HNMT: variants seen among roughly 807,000 people sequenced by gnomAD.
HNMT encodes the protein histamine N-methyltransferase.
Under a neutral mutation model 32.1 loss-of-function variants are expected in HNMT, and 30 were observed. The observed-to-expected ratio is 0.93, with a 90% confidence interval of 0.70 to 1.27. The LOEUF (loss-of-function observed/expected upper bound fraction) is 1.27. Among genes scored for constraint, HNMT ranks in the 50% most tolerant of loss-of-function variants. The pLI, the probability that HNMT is intolerant of heterozygous loss-of-function variation, is 0.00. For synonymous variants in HNMT, 125 were observed against 119.0 expected (o/e 1.05, Z -0.33); for missense variants, 327 against 346.0 (o/e 0.95, Z 0.43).
intron 2 of HNMT, among the ~76,000 whole-genome samples, chr2:137,994,366 A>AG (rs1452308602): frequency 6.6e-6 from 1 of 152,220 alleles, no homozygotes; most frequent in Non-Finnish European, 1.5e-5. Context: ...AAAAATAAGC[A>AG]GGGGTTGAAA....
intron 1 of HNMT, among the ~76,000 whole-genome samples, chr2:137,969,932 A>G (rs1489003414): frequency 6.6e-6 from 1 of 152,160 alleles, no homozygotes; most frequent in East Asian, 1.9e-4. Flanking sequence ...TACCTCTGAT[A>G]TGTACATACT....
chr2:138,005,798 T>C (rs1681314517), intron 5 of HNMT, among the ~76,000 whole-genome samples: 1 of 152,048 alleles, frequency 6.6e-6, no homozygotes, highest in Admixed American at 6.6e-5. Context: ...ATTTAGTAAG[T>C]ATCACACAGA....
At chr2:137,970,632 C>T (rs1008453424) in intron 2 of HNMT, among the ~76,000 whole-genome samples, 2 of 152,202 alleles carry the variant, frequency 1.3e-5, no homozygotes, top group East Asian at 3.9e-4. Flanking sequence ...CTGAAATGTG[C>T]ACAGGAGGCT....
At chr2:137,970,024 C>T in intron 1 of HNMT, 141 bp from the exon 2 acceptor site, 2 of 514,910 alleles carry the variant, frequency 3.9e-6, no homozygotes, top group East Asian at 6.2e-5. Context: ...GGCAATATAA[C>T]TGATATAATT....
intron 2 of HNMT, among the ~76,000 whole-genome samples, chr2:137,998,439 G>T (rs909898880): frequency 1.3e-5 from 2 of 152,096 alleles, no homozygotes; most frequent in African/African-American, 4.8e-5. Flanking sequence ...GTATAAAATG[G>T]AAATGTCCCT....
At chr2:138,000,882 G>T (rs1681148145) in intron 2 of HNMT, 36 bp from the exon 3 acceptor site, 3 of 1,132,646 alleles carry the variant, frequency 2.6e-6, no homozygotes, top group Non-Finnish European at 3.9e-6. Flanking sequence ...TTTCTTGCTG[G>T]AATGATGTGA....
intron 1 of HNMT, among the ~76,000 whole-genome samples, chr2:137,969,232 T>C (rs1267866654): frequency 6.6e-6 from 1 of 152,194 alleles, no homozygotes; most frequent in Non-Finnish European, 1.5e-5. Context: ...AATCCAGTGA[T>C]CTTTAGAAGT....
chr2:138,002,549 G>GC (rs1681205848), intron 4 of HNMT: 1 of 236,002 alleles, frequency 4.2e-6, no homozygotes, highest in Non-Finnish European at 6.9e-6. Context: ...CTGAGCTTAA[G>GC]CAATTCTCCC....
intron 2 of HNMT, among the ~76,000 whole-genome samples, chr2:137,972,260 C>A (rs1680160946): frequency 6.6e-6 from 1 of 151,980 alleles, no homozygotes; most frequent in Non-Finnish European, 1.5e-5. Flanking sequence ...AAACTGCCAC[C>A]ACACCCGTCT....
intron 2 of HNMT, among the ~76,000 whole-genome samples, chr2:137,975,199 A>G (rs980011250): frequency 1.3e-5 from 2 of 152,222 alleles, no homozygotes; most frequent in Non-Finnish European, 2.9e-5. Context: ...CCTAGGTTGC[A>G]GTAGCATCTG....
chr2:137,998,970 G>A (rs1453405668), intron 2 of HNMT, among the ~76,000 whole-genome samples: 2 of 152,022 alleles, frequency 1.3e-5, no homozygotes, highest in Non-Finnish European at 2.9e-5. Context: ...ATTCTTACCA[G>A]CCTTTTGTCT....
At chr2:137,998,073 C>T (rs1681049768) in intron 2 of HNMT, among the ~76,000 whole-genome samples, 1 of 151,970 alleles carries the variant, frequency 6.6e-6, no homozygotes, top group Admixed American at 6.6e-5. Context: ...TGCAGCAAAC[C>T]ACCATGGTGC....
At position 137,964,572 on chromosome 2, in the gene HNMT, G is replaced by A. The variant is rs779530631; in HGVS notation, c.81G>A (p.Thr27=). 3 of 1,613,530 alleles carry A rather than the reference G, an allele frequency of 1.9e-6. No homozygotes were observed. Among genetic ancestry groups the A allele is most frequent in the Non-Finnish European group, 2.5e-6 (3 of 1,179,724 alleles). The change falls in exon 1 of 6, where the codon ACG becomes ACA. Residue 27 remains threonine, a synonymous_variant. Transcript: ENST00000280097. ...ESFRRFLNHS[T]EHQCMQEFMD... is the part of the protein sequence containing the mutation. Reference sequence around the variant, plus strand: ...TCCGGAGGTTTCTCAACCATTCCACGGAACACCAGTGCATGCAGGAATTCA... The same window carrying A: ...TCCGGAGGTTTCTCAACCATTCCACAGAACACCAGTGCATGCAGGAATTCA...
chr2:137,996,148 A>G (rs562839745), intron 2 of HNMT, among the ~76,000 whole-genome samples: 2 of 152,368 alleles, frequency 1.3e-5, no homozygotes, highest in South Asian at 2.1e-4. Flanking sequence ...CCTATTCAAC[A>G]TAGTATTGGA....
chr2:138,006,910 CAGTT>C (rs746990019), intron 5 of HNMT, among the ~76,000 whole-genome samples: 2 of 151,952 alleles, frequency 1.3e-5, no homozygotes, highest in Non-Finnish European at 2.9e-5. Flanking sequence ...ACTCAACAAT[CAGTT>C]AGCTTTTTTT....
chr2:137,998,204 A>G (rs1056602604), intron 2 of HNMT, among the ~76,000 whole-genome samples: 33 of 152,308 alleles, frequency 2.2e-4, no homozygotes, highest in East Asian at 1.9e-4. Context: ...TTATTGTCCA[A>G]TGTAGGGTAC....
intron 2 of HNMT, among the ~76,000 whole-genome samples, chr2:137,972,330 TCCTTA>T (rs1166349469): frequency 6.6e-6 from 1 of 152,116 alleles, no homozygotes; most frequent in Non-Finnish European, 1.5e-5. Flanking sequence ...AGTCTCGAAC[TCCTTA>T]CCTCAGGTGA....
Position 138,002,183 on chromosome 2 carries a change from C to T in HNMT, c.418C>T (p.His140Tyr), listed in dbSNP as rs759221362. The change falls in exon 4 of 6, where the codon CAT becomes TAT. Residue 140 changes from histidine to tyrosine, a missense_variant. Transcript: ENST00000280097. ...KKELQKWDFI[H>Y]MIQMLYYVKD... Reference sequence around the variant, plus strand: ...GGAGCTTCAAAAGTGGGACTTTATTCATATGATTCAAGTAAGAAATATGTA... The same window carrying T: ...GGAGCTTCAAAAGTGGGACTTTATTTATATGATTCAAGTAAGAAATATGTA... 1 of 1,566,414 alleles carries T rather than the reference C, an allele frequency of 6.4e-7. No homozygotes were observed. The highest frequency in any genetic ancestry group is 1.2e-5 in the South Asian group (1 of 86,338).
intron 2 of HNMT, among the ~76,000 whole-genome samples, chr2:137,998,170 C>T (rs1352352105): frequency 2.0e-5 from 3 of 151,980 alleles, no homozygotes; most frequent in East Asian, 3.9e-4. Context: ...AGAATGTAAT[C>T]GCCTATGAGC....
Sources: allele counts gnomAD v4.1 joint callset (sites outside exome capture counted in the v4.1 genomes callset), GRCh38; gene constraint gnomAD v4.1.1; transcripts MANE v1.5; gene names NCBI Gene and HGNC (gene_info 2026-07-23, HGNC 2026-07-21).